Variants in PCDH9 observed in about 807,000 individuals in gnomAD.
PCDH9 encodes the protein protocadherin-9.
PCDH9 carries 24 observed loss-of-function variants against 70.6 expected under a neutral mutation model. The observed-to-expected ratio is 0.34, with a 90% CI of 0.25 to 0.48. PCDH9 has a LOEUF of 0.48. Among genes scored for constraint, PCDH9 ranks in the 20% least tolerant of loss-of-function variants. The pLI is 0.99. For missense variants in PCDH9, 1,281 were observed against 1,503.6 expected (o/e 0.85, Z 2.45); for synonymous variants, 562 against 558.5 (o/e 1.01, Z -0.09).
Position 66,337,347 on chromosome 13 carries a change from A to G in PCDH9, c.3341-32319T>C, listed in dbSNP as rs113316348. Among the ~76,000 whole-genome samples, 14 of 152,232 alleles carry G rather than the reference A, an allele frequency of 9.2e-5. 1 individual carries two copies. Among genetic ancestry groups the G allele is most frequent in the African/African-American group, 2.9e-4 (12 of 41,576 alleles). On this transcript the variant is annotated intron_variant, in intron 4 of 4. Transcript: ENST00000377865. Reference sequence around the variant, plus strand: ...GGTCTTTGGAGATAAATGCAAACACATAAATAAAGGATAACTCTTCTTTGA... The same window carrying G: ...GGTCTTTGGAGATAAATGCAAACACGTAAATAAAGGATAACTCTTCTTTGA...
chr13:67,009,709 TCTAA>T (rs2084417925), intron 2 of PCDH9, among the ~76,000 whole-genome samples: 1 of 152,078 alleles, frequency 6.6e-6, no homozygotes, highest in Admixed American at 6.6e-5. Flanking sequence ...ACTAAACGGA[TCTAA>T]CTCTTTTTTT....
At chr13:67,112,742 G>A (rs990717006) in intron 2 of PCDH9, among the ~76,000 whole-genome samples, 14 of 147,372 alleles carry the variant, frequency 9.5e-5, no homozygotes, top group Non-Finnish European at 1.9e-4. Context: ...TTTCTTGACA[G>A]GGTCTCACTC....
At chr13:66,326,645 C>T (rs977168460) in intron 4 of PCDH9, among the ~76,000 whole-genome samples, 1 of 152,102 alleles carries the variant, frequency 6.6e-6, no homozygotes, top group Non-Finnish European at 1.5e-5. Flanking sequence ...TCTCCAACTC[C>T]TGGCCTCAGG....
chr13:67,227,250 G>T lies in PCDH9; in HGVS notation c.1191C>A (p.Gly397=). 1 of 1,613,484 alleles carries T rather than the reference G, an allele frequency of 6.2e-7. No homozygotes were observed. Residue 397 remains glycine (G), a synonymous_variant, in exon 2 of 5, where the codon GGC becomes GGA. Coordinates refer to ENST00000377865, the MANE Select transcript of PCDH9 (RefSeq NM_203487.3). The surrounding 1 kb of genome is among the most constrained non-coding windows in gnomAD (Gnocchi z 4.6). ...TVSDKDTDVN[G]KVICFIEREV... ...CTCTTTCAATAAAACAGATCACTTT[G>T]CCATTCACATCTGTGTCCTTATCTG...
chr13:66,878,499 T>C (rs1344535859), intron 3 of PCDH9, among the ~76,000 whole-genome samples: 2 of 152,160 alleles, frequency 1.3e-5, no homozygotes, highest in East Asian at 3.9e-4. Context: ...ACTGCTGGGA[T>C]TACAGGCGTG....
At chr13:66,497,814 CTTTTT>C (rs763360211) in intron 4 of PCDH9, among the ~76,000 whole-genome samples, 1 of 111,334 alleles carries the variant, frequency 9.0e-6, no homozygotes, top group East Asian at 2.9e-4. Context: ...CACACTCTTA[CTTTTT>C]TTTTTTTTTT....
intron 3 of PCDH9, among the ~76,000 whole-genome samples, chr13:66,780,603 T>A (rs1415389339): frequency 2.6e-5 from 4 of 152,142 alleles, no homozygotes; most frequent in Non-Finnish European, 4.4e-5. Context: ...ACCATCTATT[T>A]TAAAATGACC....
chr13:66,861,884 C>T (rs1192756232), intron 3 of PCDH9, among the ~76,000 whole-genome samples: 5 of 152,192 alleles, frequency 3.3e-5, no homozygotes, highest in Middle Eastern at 3.4e-3. Context: ...TTGAAGTTGA[C>T]GGTTTCAAGC....
chr13:66,871,925 T>C (rs927777137), intron 3 of PCDH9, among the ~76,000 whole-genome samples: 5 of 152,134 alleles, frequency 3.3e-5, no homozygotes, highest in African/African-American at 1.2e-4. Context: ...GGTTGAAATT[T>C]ATCTCTATGG....
rs144374469 is a variant in PCDH9, at chr13:66,715,373, T to C, written c.3139-83962A>G. On this transcript the variant is annotated intron_variant, in intron 3 of 4. Coordinates refer to ENST00000377865, the MANE Select transcript of PCDH9 (RefSeq NM_203487.3). ...ACCTGTTTTGTTTGTGTTTCGGTAATGCTAATTATGAGGATTTCCAAAATA... is the reference window on the plus strand; with the variant it reads ...ACCTGTTTTGTTTGTGTTTCGGTAACGCTAATTATGAGGATTTCCAAAATA... 4.5e-4 allele frequency among the ~76,000 whole-genome samples: 68 copies of C among 152,280 alleles called. 1 individual carries two copies. Among genetic ancestry groups the C allele is most frequent in the East Asian group, 3.3e-3 (17 of 5,190 alleles).
intron 2 of PCDH9, among the ~76,000 whole-genome samples, chr13:67,078,142 G>C (rs752877622): frequency 6.6e-5 from 10 of 152,148 alleles, no homozygotes; most frequent in Non-Finnish European, 1.3e-4. Flanking sequence ...AGGAGCCATA[G>C]TGGCCATTGT....
chr13:66,813,734 C>A lies in PCDH9; in HGVS notation c.3138+89770G>T, dbSNP rs77964278. On this transcript the variant is annotated intron_variant, in intron 3 of 4. Coordinates refer to ENST00000377865, the MANE Select transcript of PCDH9 (RefSeq NM_203487.3). ...ATAACAGGTTAACCATTATTGTCAA[C>A]CATGCTGTACTATATACTATATGAC... 3.3e-5 allele frequency among the ~76,000 whole-genome samples: 5 copies of A among 152,146 alleles called. No individual in the cohort carries two copies. In the East Asian group the frequency reaches 9.6e-4, roughly 29 times the overall value.
At chr13:66,777,798 C>CTA (rs1202131152) in intron 3 of PCDH9, among the ~76,000 whole-genome samples, 1 of 152,070 alleles carries the variant, frequency 6.6e-6, no homozygotes, top group East Asian at 1.9e-4. Flanking sequence ...ACCCAAAGGA[C>CTA]TATAAATCAT....
chr13:66,400,526 C>G (rs1353091979), intron 4 of PCDH9, among the ~76,000 whole-genome samples: 1 of 152,056 alleles, frequency 6.6e-6, no homozygotes, highest in African/African-American at 2.4e-5. Context: ...TATCCAGATA[C>G]CTTTATAAAT....
At chr13:66,388,216 G>A (rs1054353938) in intron 4 of PCDH9, among the ~76,000 whole-genome samples, 1 of 152,120 alleles carries the variant, frequency 6.6e-6, no homozygotes, top group African/African-American at 2.4e-5. Flanking sequence ...AAGGAATGGA[G>A]AATATATCAT....
At position 67,186,963 on chromosome 13, in the gene PCDH9, A is replaced by G. The variant is rs181379919; in HGVS notation, c.3036+38442T>C. On this transcript the variant is annotated intron_variant, in intron 2 of 4. Coordinates refer to ENST00000377865, the MANE Select transcript of PCDH9 (RefSeq NM_203487.3). The stretch of plus-strand genomic sequence containing the variant: ...GAGTCTTTAAAGAGAGGGAGACATC[A>G]TTAACTTTAACAGCAACTTACAAGT... Among the ~76,000 whole-genome samples the G allele has an allele frequency of 1.2e-3, 185 of 152,346 alleles. 1 individual carries two copies. Among genetic ancestry groups the G allele is most frequent in the African/African-American group, 3.4e-3 (142 of 41,588 alleles).
intron 3 of PCDH9, among the ~76,000 whole-genome samples, chr13:66,884,272 A>G (rs2081970811): frequency 1.3e-5 from 2 of 152,174 alleles, no homozygotes; most frequent in Admixed American, 1.3e-4. Context: ...CTTAAAATTC[A>G]TCCACTACTG....
At chr13:66,377,858 T>A (rs894881612) in intron 4 of PCDH9, among the ~76,000 whole-genome samples, 3 of 152,206 alleles carry the variant, frequency 2.0e-5, no homozygotes, top group Non-Finnish European at 2.9e-5. Context: ...TCTTTCACCT[T>A]AATTTTTCTG....
chr13:66,420,035 A>C (rs1012970155), intron 4 of PCDH9, among the ~76,000 whole-genome samples: 2 of 152,164 alleles, frequency 1.3e-5, no homozygotes, highest in Non-Finnish European at 2.9e-5. Flanking sequence ...TTTTCCCCTC[A>C]AAGTGGAAAC....
Sources: gnomAD v4.1 joint callset for allele counts (sites outside exome capture counted in the v4.1 genomes callset) on GRCh38, gnomAD v4.1.1 for gene constraint, Gnocchi (gnomAD v3.1) non-coding constraint, MANE v1.5 for transcripts, NCBI Gene and HGNC (gene_info 2026-07-23, HGNC 2026-07-21) for gene names.